Variants in GRM8 observed in about 807,000 individuals in gnomAD.
GRM8 encodes the protein metabotropic glutamate receptor 8.
Under a neutral mutation model 87.2 loss-of-function variants are expected in GRM8, and 47 were observed. The ratio of observed to expected loss-of-function variants is 0.54; its 90% CI spans 0.43 to 0.69. GRM8 has a LOEUF of 0.69. GRM8 is among the 30% of genes least tolerant of loss of function. The probability of loss-of-function intolerance (pLI) is 0.00; values close to 1 mark genes in which losing one functional copy is unlikely to be tolerated. For synonymous variants in GRM8, 396 were observed against 404.5 expected (o/e 0.98, Z 0.25); for missense variants, 1,019 against 1,139.2 (o/e 0.89, Z 1.52).
At chr7:126,594,522 G>A (rs1448192178) in intron 8 of GRM8, among the ~76,000 whole-genome samples, 3 of 152,018 alleles carry the variant, frequency 2.0e-5, no homozygotes, top group African/African-American at 7.2e-5. Context: ...ACTCATATAT[G>A]GAATCTAGAA....
chr7:126,474,966 A>G (rs925194919), intron 9 of GRM8, among the ~76,000 whole-genome samples: 1 of 152,190 alleles, frequency 6.6e-6, no homozygotes, highest in Admixed American at 6.5e-5. Flanking sequence ...TCAACAAATT[A>G]GGTGGAAAGA....
At chr7:126,874,739 C>T (rs1799393256) in intron 6 of GRM8, among the ~76,000 whole-genome samples, 1 of 152,076 alleles carries the variant, frequency 6.6e-6, no homozygotes, top group Non-Finnish European at 1.5e-5. Flanking sequence ...CTTCTCTAGG[C>T]CAATGTTCCT....
At chr7:126,508,681 TTTATAC>T (rs1466946237) in intron 9 of GRM8, among the ~76,000 whole-genome samples, 2 of 152,116 alleles carry the variant, frequency 1.3e-5, no homozygotes, top group Admixed American at 6.6e-5. Context: ...CTTCCAAACA[TTTATAC>T]TTATAATTGT....
At chr7:126,816,463 C>T (rs1793794790) in intron 6 of GRM8, among the ~76,000 whole-genome samples, 1 of 151,996 alleles carries the variant, frequency 6.6e-6, no homozygotes, top group Non-Finnish European at 1.5e-5. Context: ...AGCAAGTGTA[C>T]CCATAATGTA....
chr7:126,561,586 TTGAA>T (rs1243853498), intron 8 of GRM8, among the ~76,000 whole-genome samples: 4 of 152,032 alleles, frequency 2.6e-5, no homozygotes, highest in Non-Finnish European at 5.9e-5. Context: ...TCATTTAAAC[TTGAA>T]TTATCTTTTA....
At chr7:127,218,826 C>T (rs1237724807) in intron 2 of GRM8, among the ~76,000 whole-genome samples, 1 of 152,212 alleles carries the variant, frequency 6.6e-6, no homozygotes, top group Non-Finnish European at 1.5e-5. Flanking sequence ...GTTCAAAGGG[C>T]ATCAACTCCT....
At chr7:126,561,365 G>A (rs1358263714) in intron 8 of GRM8, among the ~76,000 whole-genome samples, 3 of 151,944 alleles carry the variant, frequency 2.0e-5, no homozygotes, top group African/African-American at 7.3e-5. Flanking sequence ...TAGCTACTTA[G>A]GAGGCTGAGG....
intron 3 of GRM8, among the ~76,000 whole-genome samples, chr7:127,072,931 CTCTT>C (rs1051655535): frequency 5.3e-5 from 8 of 151,838 alleles, no homozygotes; most frequent in Non-Finnish European, 7.4e-5. Context: ...TAGCCCACCT[CTCTT>C]TCTTTTTTTT....
At chr7:126,866,544 G>T (rs2106353) in intron 6 of GRM8, among the ~76,000 whole-genome samples, 23,263 of 138,794 alleles carry the variant, frequency 0.17, 2,377 homozygotes, top group South Asian at 0.27. Context: ...TATGGCTCCA[G>T]ATCTTACATT....
chr7:126,887,493 T>C (rs934505655), intron 6 of GRM8, among the ~76,000 whole-genome samples: 1 of 151,992 alleles, frequency 6.6e-6, no homozygotes, highest in African/African-American at 2.4e-5. Flanking sequence ...AAGGGAGATA[T>C]TGAGAACAGC....
chr7:126,528,958 T>C (rs1200727748), intron 9 of GRM8, among the ~76,000 whole-genome samples: 2 of 152,162 alleles, frequency 1.3e-5, no homozygotes, highest in East Asian at 3.9e-4. Context: ...CTAAGGTAGA[T>C]AAATAGAGAA....
intron 2 of GRM8, among the ~76,000 whole-genome samples, chr7:127,142,167 G>A (rs562993951): frequency 2.0e-5 from 3 of 151,844 alleles, no homozygotes; most frequent in East Asian, 3.9e-4. Context: ...TTGTAGAGAT[G>A]GGGTCTCACT....
At chr7:127,140,903 A>G (rs1828225221) in intron 2 of GRM8, among the ~76,000 whole-genome samples, 2 of 151,936 alleles carry the variant, frequency 1.3e-5, no homozygotes, top group Non-Finnish European at 2.9e-5. Context: ...TTTTTTCCCT[A>G]CACTTTCATC....
chr7:127,222,264 T>C (rs755846638), intron 2 of GRM8, among the ~76,000 whole-genome samples: 6 of 152,100 alleles, frequency 3.9e-5, no homozygotes, highest in Non-Finnish European at 8.8e-5. Context: ...AAAAAGTAGC[T>C]GGGCGTGGTG....
chr7:126,796,998 C>A (rs961889142), intron 6 of GRM8, among the ~76,000 whole-genome samples: 6 of 151,978 alleles, frequency 3.9e-5, no homozygotes, highest in Admixed American at 1.3e-4. Context: ...ATCAGAAGTG[C>A]GCTGTTCTCT....
chr7:127,088,115 C>G (rs1288479096), intron 3 of GRM8, among the ~76,000 whole-genome samples: 1 of 152,060 alleles, frequency 6.6e-6, no homozygotes, highest in Non-Finnish European at 1.5e-5. Flanking sequence ...TTTGCCAGGG[C>G]TCCTCTGATT....
chr7:126,472,669 G>A (rs1805417032), intron 9 of GRM8, among the ~76,000 whole-genome samples: 2 of 152,188 alleles, frequency 1.3e-5, no homozygotes, highest in African/African-American at 4.8e-5. Flanking sequence ...GAAGCCAAAT[G>A]TTCACTGCCA....
intron 7 of GRM8, among the ~76,000 whole-genome samples, chr7:126,629,122 G>A (rs1380614832): frequency 3.3e-5 from 5 of 152,122 alleles, no homozygotes; most frequent in Admixed American, 6.6e-5. Context: ...TTGCTATTGT[G>A]CCCATGGAGA....
intron 3 of GRM8, among the ~76,000 whole-genome samples, chr7:126,971,157 TAAAAAAAAAA>T (rs71177581): frequency 5.0e-5 from 5 of 100,246 alleles, no homozygotes; most frequent in Admixed American, 1.1e-4. Context: ...TTTCAATTTG[TAAAAAAAAAA>T]AAAAAAAAAA....
Sources: gnomAD v4.1 joint callset for allele counts (sites outside exome capture counted in the v4.1 genomes callset) on GRCh38, gnomAD v4.1.1 for gene constraint, MANE v1.5 for transcripts, NCBI Gene and HGNC (gene_info 2026-07-23, HGNC 2026-07-21) for gene names.